Variants in RPS6KC1 observed in about 807,000 individuals in gnomAD.
The protein encoded by RPS6KC1 is ribosomal protein S6 kinase C1.
RPS6KC1 carries 54 observed loss-of-function variants against 103.8 expected under a neutral mutation model. The observed-to-expected ratio is 0.52, with a 90% CI of 0.42 to 0.65. The LOEUF is 0.65. Among genes scored for constraint, RPS6KC1 ranks in the 30% least tolerant of loss-of-function variants. The pLI is 0.00. For missense variants in RPS6KC1, 1,151 were observed against 1,253.8 expected, an observed-to-expected ratio of 0.92 and a Z score of 1.24; for synonymous variants, 439 against 438.7, an observed-to-expected ratio of 1.00 and a Z score of -0.01.
intron 2 of RPS6KC1, among the ~76,000 whole-genome samples, chr1:213,074,873 T>TTTTTA (rs869212390): frequency 7.1e-6 from 1 of 139,906 alleles, no homozygotes; most frequent in African/African-American, 2.8e-5. Flanking sequence ...TTTTTTTTTT[T>TTTTTA]ACGGAGTCTC....
chr1:213,535,491 C>T, the RPS6KC1 span, among the ~76,000 whole-genome samples: 1 of 152,170 alleles, frequency 6.6e-6, no homozygotes, highest in Non-Finnish European at 1.5e-5. Context: ...CTGGGAGCCC[C>T]TCAGTCTGAT....
the RPS6KC1 span, among the ~76,000 whole-genome samples, chr1:213,790,931 G>A: frequency 6.0e-5 from 6 of 99,876 alleles, no homozygotes; most frequent in African/African-American, 2.4e-4. Context: ...GTTTTCATCC[G>A]GGTGTGTCTC....
the RPS6KC1 span, among the ~76,000 whole-genome samples, chr1:213,707,504 T>G: frequency 2.6e-5 from 4 of 152,326 alleles, no homozygotes; most frequent in African/African-American, 7.2e-5. Flanking sequence ...GGTTGCCTGT[T>G]CACTCAGATG....
In RPS6KC1 at chr1:213,182,845, T is replaced by C. The variant is rs2092340898; in HGVS notation, c.1044+6353T>C. 2.0e-5 allele frequency among the ~76,000 whole-genome samples: 3 copies of C among 148,562 alleles called. 1 individual carries two copies. The highest frequency in any genetic ancestry group is 4.9e-5 in the African/African-American group (2 of 40,640). On this transcript the variant is annotated intron_variant, in intron 8 of 14. Transcript: ENST00000366960. ...TGAGTTTCTTATATATCATGATTTA[T>C]ATATCATGATATATATGTATATATA...
chr1:213,499,370 G>T, the RPS6KC1 span, among the ~76,000 whole-genome samples: 1 of 152,138 alleles, frequency 6.6e-6, no homozygotes, highest in Non-Finnish European at 1.5e-5. Context: ...CAACCTTTTT[G>T]GCACCAGGGA....
At chr1:213,210,095 C>T (rs546698773) in intron 8 of RPS6KC1, among the ~76,000 whole-genome samples, 1 of 152,190 alleles carries the variant, frequency 6.6e-6, no homozygotes, top group South Asian at 2.1e-4. Flanking sequence ...GTTCTGTGAC[C>T]TGTATGTTGT....
the RPS6KC1 span, among the ~76,000 whole-genome samples, chr1:213,765,632 G>A: frequency 6.6e-6 from 1 of 151,884 alleles, no homozygotes; most frequent in African/African-American, 2.4e-5. Context: ...AACTCAATAG[G>A]CAAATAAACG....
chr1:213,431,783 T>C, the RPS6KC1 span, among the ~76,000 whole-genome samples: 1 of 152,140 alleles, frequency 6.6e-6, no homozygotes, highest in Non-Finnish European at 1.5e-5. Flanking sequence ...TGTACATGTG[T>C]TTTAATACAC....
the RPS6KC1 span, among the ~76,000 whole-genome samples, chr1:213,408,583 A>C: frequency 1.3e-5 from 2 of 152,218 alleles, no homozygotes; most frequent in Non-Finnish European, 2.9e-5. Flanking sequence ...CTACCTCAAG[A>C]CTGCGGCACC....
the RPS6KC1 span, among the ~76,000 whole-genome samples, chr1:213,617,037 G>A: frequency 6.6e-6 from 1 of 152,154 alleles, no homozygotes; most frequent in African/African-American, 2.4e-5. Context: ...CCTATCACAT[G>A]TCAATATGAT....
At chr1:213,382,713 C>T in the RPS6KC1 span, among the ~76,000 whole-genome samples, 1 of 152,164 alleles carries the variant, frequency 6.6e-6, no homozygotes. Context: ...GTTTGGTTTT[C>T]ATCTCAGAGT....
the RPS6KC1 span, among the ~76,000 whole-genome samples, chr1:213,343,829 T>G: frequency 6.6e-6 from 1 of 152,116 alleles, no homozygotes; most frequent in South Asian, 2.1e-4. Flanking sequence ...AAAAAGTTTT[T>G]TTTTGGGAGG....
At chr1:213,739,786 G>C in the RPS6KC1 span, among the ~76,000 whole-genome samples, 1 of 152,170 alleles carries the variant, frequency 6.6e-6, no homozygotes, top group African/African-American at 2.4e-5. Flanking sequence ...CAAATCTTCA[G>C]TTAAGTGCTA....
At chr1:213,667,742 G>A in the RPS6KC1 span, among the ~76,000 whole-genome samples, 1 of 152,202 alleles carries the variant, frequency 6.6e-6, no homozygotes, top group Non-Finnish European at 1.5e-5. Flanking sequence ...TCAAATTGGA[G>A]TCAATCCTCT....
chr1:213,366,390 T>C, the RPS6KC1 span, among the ~76,000 whole-genome samples: 1 of 152,178 alleles, frequency 6.6e-6, no homozygotes, highest in South Asian at 2.1e-4. Context: ...ATAAGTTGAG[T>C]ATTCCCTTTC....
the RPS6KC1 span, among the ~76,000 whole-genome samples, chr1:213,506,724 A>G: frequency 6.6e-6 from 1 of 152,240 alleles, no homozygotes; most frequent in African/African-American, 2.4e-5. Flanking sequence ...ATTCTTGACC[A>G]TCAATATGAT....
chr1:213,516,792 A>T, the RPS6KC1 span, among the ~76,000 whole-genome samples: 2 of 152,232 alleles, frequency 1.3e-5, no homozygotes, highest in East Asian at 1.9e-4. Context: ...AAAAAGTTTC[A>T]GAAGGAATGG....
intron 5 of RPS6KC1, among the ~76,000 whole-genome samples, chr1:213,128,875 A>C (rs760647804): frequency 8.7e-4 from 132 of 152,300 alleles, no homozygotes; most frequent in Non-Finnish European, 1.3e-3. Context: ...TGTTTATGTA[A>C]TTGTTATAAA....
chr1:213,144,088 C>T (rs1339812999), intron 6 of RPS6KC1, among the ~76,000 whole-genome samples: 2 of 151,974 alleles, frequency 1.3e-5, no homozygotes, highest in Non-Finnish European at 2.9e-5. Context: ...TATCAAAACC[C>T]TTAACCTTAA....
Sources: gnomAD v4.1 joint callset for allele counts (sites outside exome capture counted in the v4.1 genomes callset) on GRCh38, gnomAD v4.1.1 for gene constraint, MANE v1.5 for transcripts, NCBI Gene and HGNC (gene_info 2026-07-23, HGNC 2026-07-21) for gene names.